Variants in GRID2 observed in about 807,000 individuals in gnomAD.
GRID2 encodes glutamate ionotropic receptor delta type subunit 2.
In GRID2, 33 loss-of-function variants were observed where a neutral mutation model predicts 114.8. The ratio of observed to expected loss-of-function variants is 0.29; its 90% CI spans 0.22 to 0.38. The LOEUF is 0.38. GRID2 is among the 10% of genes least tolerant of loss of function. The pLI, the probability that GRID2 is intolerant of heterozygous loss-of-function variation, is 1.00. For missense variants in GRID2, 1,184 were observed against 1,257.7 expected, an observed-to-expected ratio of 0.94 and a Z score of 0.89; for synonymous variants, 505 against 449.9, an observed-to-expected ratio of 1.12 and a Z score of -1.55.
intron 1 of GRID2, among the ~76,000 whole-genome samples, chr4:92,390,220 A>G (rs890089025): frequency 1.3e-5 from 2 of 152,148 alleles, no homozygotes; most frequent in Non-Finnish European, 2.9e-5. Flanking sequence ...AGTTACCTTC[A>G]TGTACTCACT....
At chr4:92,884,750 C>T (rs1746254461) in intron 2 of GRID2, 1 of 276,524 alleles carries the variant, frequency 3.6e-6, no homozygotes, top group Non-Finnish European at 7.5e-6. Flanking sequence ...ACTTGAAGGA[C>T]TAATGGAATT....
intron 1 of GRID2, among the ~76,000 whole-genome samples, chr4:92,397,338 T>TTGTGTGTGTGTGTG (rs1227002294): frequency 8.1e-6 from 1 of 124,188 alleles, no homozygotes; most frequent in African/African-American, 3.4e-5. Context: ...CTCTGTGTGT[T>TTGTGTGTGTGTGTG]TGTATGTGTG....
chr4:92,479,512 A>C (rs1234220575), intron 1 of GRID2, among the ~76,000 whole-genome samples: 5 of 152,190 alleles, frequency 3.3e-5, no homozygotes, highest in African/African-American at 4.8e-5. Context: ...TGTTCTGTTT[A>C]AATGAGCACT....
chr4:93,234,331 T>A (rs985569607), intron 7 of GRID2, among the ~76,000 whole-genome samples: 6 of 152,056 alleles, frequency 3.9e-5, no homozygotes, highest in Non-Finnish European at 7.4e-5. Flanking sequence ...ATATATAATA[T>A]GTTATATTGA....
At chr4:93,783,675 A>G (rs1190127419) in intron 1 of GRID2, among the ~76,000 whole-genome samples, 1 of 151,942 alleles carries the variant, frequency 6.6e-6, no homozygotes, top group Admixed American at 6.6e-5. Context: ...CAGCACACCC[A>G]CTCATGTCCC....
At chr4:93,313,619 T>C (rs1156677586) in intron 8 of GRID2, among the ~76,000 whole-genome samples, 2 of 152,176 alleles carry the variant, frequency 1.3e-5, no homozygotes, top group Non-Finnish European at 2.9e-5. Flanking sequence ...CTTCCATTCT[T>C]AGGATGAGCT....
chr4:93,764,963 A>T (rs953170862), intron 14 of GRID2, among the ~76,000 whole-genome samples: 1 of 152,150 alleles, frequency 6.6e-6, no homozygotes, highest in Non-Finnish European at 1.5e-5. Context: ...GCACACATAC[A>T]TACACATTAT....
At chr4:92,344,815 T>C (rs774102762) in intron 1 of GRID2, among the ~76,000 whole-genome samples, 3 of 152,190 alleles carry the variant, frequency 2.0e-5, no homozygotes, top group Non-Finnish European at 4.4e-5. Flanking sequence ...CCTTCTGCCA[T>C]CTTCTGTTTA....
At chr4:92,718,335 T>C (rs1406965528) in intron 2 of GRID2, among the ~76,000 whole-genome samples, 1 of 152,106 alleles carries the variant, frequency 6.6e-6, no homozygotes, top group Non-Finnish European at 1.5e-5. Flanking sequence ...CTTGTTTACA[T>C]GGTGTTTTGC....
At chr4:93,065,781 C>G (rs1275350172) in intron 2 of GRID2, among the ~76,000 whole-genome samples, 2 of 151,860 alleles carry the variant, frequency 1.3e-5, no homozygotes, top group East Asian at 1.9e-4. Flanking sequence ...GTTAACAGTT[C>G]ATTTTTCCTT....
chr4:92,661,101 A>G (rs1036381683), intron 2 of GRID2, among the ~76,000 whole-genome samples: 1 of 150,780 alleles, frequency 6.6e-6, no homozygotes, highest in Non-Finnish European at 1.5e-5. Flanking sequence ...ACATGACAGT[A>G]TGGAGGCGTT....
At chr4:93,242,704 T>A (rs2149518532) in intron 8 of GRID2, among the ~76,000 whole-genome samples, 1 of 152,014 alleles carries the variant, frequency 6.6e-6, no homozygotes, top group East Asian at 1.9e-4. Flanking sequence ...AGAAATTATG[T>A]TTGGGGAGAG....
intron 13 of GRID2, among the ~76,000 whole-genome samples, chr4:93,583,062 A>C (rs1283703182): frequency 6.6e-6 from 1 of 151,888 alleles, no homozygotes; most frequent in Non-Finnish European, 1.5e-5. Context: ...TGGGAGCATC[A>C]CTCCCATCTC....
chr4:93,779,774 G>A (rs1279081496), intron 1 of GRID2, among the ~76,000 whole-genome samples: 4 of 152,206 alleles, frequency 2.6e-5, no homozygotes, highest in Non-Finnish European at 5.9e-5. Flanking sequence ...AGAGGTTACA[G>A]TGCAACCATA....
At chr4:92,452,977 T>C (rs530518609) in intron 1 of GRID2, among the ~76,000 whole-genome samples, 87 of 151,404 alleles carry the variant, frequency 5.7e-4, no homozygotes, top group Admixed American at 1.1e-3. Flanking sequence ...CATACACTTA[T>C]GCATTTGTTA....
chr4:93,809,430 C>G (rs773762125), exon 2 of GRID2: 1 of 152,014 alleles, frequency 6.6e-6, no homozygotes, highest in Non-Finnish European at 1.5e-5. Flanking sequence ...CATGCTTATC[C>G]AAAACTAAGG....
intron 14 of GRID2, among the ~76,000 whole-genome samples, chr4:93,628,295 A>G (rs891026699): frequency 1.3e-5 from 2 of 152,230 alleles, no homozygotes; most frequent in Non-Finnish European, 1.5e-5. Flanking sequence ...AGACCCATGC[A>G]CAAGAAACAA....
intron 4 of GRID2, among the ~76,000 whole-genome samples, chr4:93,155,555 C>T (rs906853153): frequency 1.3e-5 from 2 of 151,946 alleles, no homozygotes; most frequent in Admixed American, 1.3e-4. Flanking sequence ...GCCACTTTAT[C>T]CAGTAAAACT....
At chr4:93,587,063 G>T (rs1737604553) in intron 13 of GRID2, among the ~76,000 whole-genome samples, 2 of 151,990 alleles carry the variant, frequency 1.3e-5, no homozygotes, top group East Asian at 1.9e-4. Flanking sequence ...TTAATCTAAA[G>T]ACTTAGATCT....
Sources: gnomAD v4.1 joint callset for allele counts (sites outside exome capture counted in the v4.1 genomes callset) on GRCh38, gnomAD v4.1.1 for gene constraint, MANE v1.5 for transcripts, NCBI Gene and HGNC (gene_info 2026-07-23, HGNC 2026-07-21) for gene names.